NRXN1: variants seen among roughly 807,000 people sequenced by gnomAD.
NRXN1 encodes the protein neurexin-1.
Under a neutral mutation model 150.9 loss-of-function variants are expected in NRXN1, and 39 were observed. That is an observed-to-expected ratio of 0.26 (90% confidence interval 0.20 to 0.34). The LOEUF (loss-of-function observed/expected upper bound fraction) is 0.34, where lower values mean the gene tolerates loss of function less well. NRXN1 is among the 10% of genes least tolerant of loss of function. The pLI is 1.00. For missense variants in NRXN1, 1,815 were observed against 1,949.9 expected (o/e 0.93, Z 1.30); for synonymous variants, 924 against 757.0 (o/e 1.22, Z -3.62).
At position 50,895,359 on chromosome 2, in the gene NRXN1, T is replaced by G. The variant is rs187036910; in HGVS notation, c.832+26510A>C. Among the ~76,000 whole-genome samples the G allele has an allele frequency of 3.9e-5, 6 of 152,238 alleles. No homozygotes were observed. The East Asian group carries it at 1.2e-3, about 29-fold the overall frequency. ...GTAAATGCCTCTACATATTGGATATTTTTCCCCTTACAGCAAAAAAGGCAG... is the reference window on the plus strand; with the variant it reads ...GTAAATGCCTCTACATATTGGATATGTTTCCCCTTACAGCAAAAAAGGCAG... On this transcript the variant is annotated intron_variant, in intron 5 of 22. Transcript: ENST00000401669.
At chr2:50,745,701 C>T (rs1559201761) in intron 5 of NRXN1, among the ~76,000 whole-genome samples, 1 of 152,006 alleles carries the variant, frequency 6.6e-6, no homozygotes, top group African/African-American at 2.4e-5. Flanking sequence ...CATGTCCTTC[C>T]TCACATGGCA....
Position 50,037,842 on chromosome 2 carries a change from T to G in NRXN1, c.4128+15429A>C, listed in dbSNP as rs562524908. Among the ~76,000 whole-genome samples the G allele has an allele frequency of 6.2e-4, 94 of 152,312 alleles. 1 individual carries two copies. The highest frequency in any genetic ancestry group is 1.2e-3 in the Non-Finnish European group (85 of 68,026). On this transcript the variant is annotated intron_variant, in intron 21 of 22. Transcript: ENST00000401669. ...ACTGCTTCAGCAGGTTAAACTAATG[T>G]GGGGAAGACACTAGAAATATCAGAA...
At chr2:50,041,968 C>A (rs2152588856) in intron 21 of NRXN1, among the ~76,000 whole-genome samples, 1 of 152,262 alleles carries the variant, frequency 6.6e-6, no homozygotes, top group South Asian at 2.1e-4. Flanking sequence ...ACTACTGGTG[C>A]CTCCTTCCTA....
chr2:50,923,221 T>C (rs1686342680), intron 3 of NRXN1, among the ~76,000 whole-genome samples: 1 of 151,864 alleles, frequency 6.6e-6, no homozygotes, highest in African/African-American at 2.4e-5. Flanking sequence ...GTCTGACACA[T>C]GTAGCGGCTG....
chr2:50,009,258 G>A (rs558083653), intron 21 of NRXN1, among the ~76,000 whole-genome samples: 1 of 152,216 alleles, frequency 6.6e-6, no homozygotes, highest in South Asian at 2.1e-4. Flanking sequence ...CACAATCTCT[G>A]CAGTCACTAA....
intron 18 of NRXN1, among the ~76,000 whole-genome samples, chr2:50,146,080 G>C (rs1191296282): frequency 1.3e-5 from 2 of 151,642 alleles, no homozygotes; most frequent in African/African-American, 4.8e-5. Context: ...GTAAGAATTA[G>C]GTAACTGAAA....
At chr2:50,634,631 G>A (rs141008922) in intron 5 of NRXN1, among the ~76,000 whole-genome samples, 45 of 152,138 alleles carry the variant, frequency 3.0e-4, no homozygotes, top group Non-Finnish European at 2.5e-4. Context: ...TGAATTTGTG[G>A]TCACTTTTGG....
intron 5 of NRXN1, among the ~76,000 whole-genome samples, chr2:50,677,730 C>T (rs568679577): frequency 6.6e-6 from 1 of 152,082 alleles, no homozygotes; most frequent in Admixed American, 6.6e-5. Flanking sequence ...TTAAAGAAGT[C>T]CAGATATAAA....
intron 15 of NRXN1, among the ~76,000 whole-genome samples, chr2:50,476,177 G>A (rs1010868641): frequency 2.6e-5 from 4 of 152,052 alleles, no homozygotes; most frequent in Non-Finnish European, 5.9e-5. Flanking sequence ...AGTCTAAGGG[G>A]TGAGTTTCTT....
chr2:50,632,612 G>A (rs1270556610), intron 5 of NRXN1: 2 of 151,980 alleles, frequency 1.3e-5, no homozygotes, highest in Non-Finnish European at 2.9e-5. Context: ...ATTAAAGTGT[G>A]AGAGTCTTGT....
At chr2:50,113,163 A>G (rs986842431) in intron 18 of NRXN1, among the ~76,000 whole-genome samples, 2 of 152,224 alleles carry the variant, frequency 1.3e-5, no homozygotes, top group Admixed American at 6.5e-5. Flanking sequence ...ATCATCTGGC[A>G]TAAACCTGGA....
At chr2:50,661,011 A>G (rs1319404983) in intron 5 of NRXN1, among the ~76,000 whole-genome samples, 4 of 152,034 alleles carry the variant, frequency 2.6e-5, no homozygotes, top group African/African-American at 9.7e-5. Flanking sequence ...GGGAAAGGAC[A>G]TATCTTTCAT....
intron 5 of NRXN1, among the ~76,000 whole-genome samples, chr2:50,780,369 CA>C (rs1704210076): frequency 6.6e-6 from 1 of 152,092 alleles, no homozygotes; most frequent in Non-Finnish European, 1.5e-5. Flanking sequence ...ATACAAAATA[CA>C]ACATAAAATT....
At chr2:50,097,673 C>G (rs12474335) in intron 18 of NRXN1, among the ~76,000 whole-genome samples, 37,421 of 150,964 alleles carry the variant, frequency 0.25, 5,040 homozygotes, top group Admixed American at 0.39. Context: ...GAGTTTCACT[C>G]TTATTGCCCA....
At chr2:50,795,563 C>G (rs1328814535) in intron 5 of NRXN1, among the ~76,000 whole-genome samples, 1 of 151,714 alleles carries the variant, frequency 6.6e-6, no homozygotes, top group African/African-American at 2.4e-5. Context: ...CTCTCTTTCA[C>G]CCCCTTCCTC....
intron 5 of NRXN1, among the ~76,000 whole-genome samples, chr2:50,651,257 A>G (rs1685571464): frequency 6.6e-6 from 1 of 151,942 alleles, no homozygotes; most frequent in South Asian, 2.1e-4. Context: ...CCCTCTGGCC[A>G]TCCTGAAAAA....
intron 17 of NRXN1, among the ~76,000 whole-genome samples, chr2:50,401,905 C>T (rs1427882276): frequency 6.6e-6 from 1 of 152,026 alleles, no homozygotes; most frequent in African/African-American, 2.4e-5. Context: ...TTCCTGGAAG[C>T]CCTAGTTCAG....
At chr2:50,746,882 G>T (rs1239733371) in intron 5 of NRXN1, among the ~76,000 whole-genome samples, 1 of 152,132 alleles carries the variant, frequency 6.6e-6, no homozygotes, top group Non-Finnish European at 1.5e-5. Context: ...GTGGAAGACA[G>T]ATGAATGCTC....
At chr2:50,675,735 T>C (rs1429395589) in intron 5 of NRXN1, among the ~76,000 whole-genome samples, 1 of 152,154 alleles carries the variant, frequency 6.6e-6, no homozygotes, top group Non-Finnish European at 1.5e-5. Flanking sequence ...AACAGGGGCA[T>C]GCTATTCTTT....
Sources: allele counts gnomAD v4.1 joint callset (sites outside exome capture counted in the v4.1 genomes callset), GRCh38; gene constraint gnomAD v4.1.1; transcripts MANE v1.5; gene names NCBI Gene and HGNC (gene_info 2026-07-23, HGNC 2026-07-21).